Variants in TNFSF14 observed in about 807,000 individuals in gnomAD.
The protein encoded by TNFSF14 is TNF superfamily member 14.
TNFSF14 carries 15 observed loss-of-function variants against 22.7 expected under a neutral mutation model. The observed-to-expected ratio is 0.66, with a 90% CI of 0.44 to 1.02. The LOEUF is 1.02. Among genes scored for constraint, TNFSF14 ranks in the 50% least tolerant of loss-of-function variants. The pLI is 0.00. For missense variants in TNFSF14, 287 were observed against 326.2 expected, an observed-to-expected ratio of 0.88 and a Z score of 0.93; for synonymous variants, 133 against 139.6, an observed-to-expected ratio of 0.95 and a Z score of 0.33.
chr19:6,667,272 A>C (rs1917459258), intron 2 of TNFSF14, 118 bp from the exon 3 acceptor site: 1 of 1,437,742 alleles, frequency 7.0e-7, no homozygotes. Context: ...AGTGACCCAA[A>C]CTTCTGCTTC....
intron 3 of TNFSF14, among the ~76,000 whole-genome samples, 184 bp downstream of exon 3, chr19:6,666,929 T>TAAAA (rs771041221): frequency 6.7e-6 from 1 of 150,094 alleles, no homozygotes; most frequent in Non-Finnish European, 1.5e-5. Flanking sequence ...AATAAATAAA[T>TAAAA]AGAAATAAAA....
rs1299056580 is a variant in TNFSF14, at chr19:6,663,042, C to G, written c.*1884G>C. On this transcript the variant is annotated 3_prime_UTR_variant, in exon 4 of 4. Coordinates refer to ENST00000675206, the MANE Select transcript of TNFSF14 (RefSeq NM_001376887.1). Reference sequence around the variant, plus strand: ...GCCACCACTTGTTGCTGATGGTTGCCCCCCATCCGACTCCTCCCTTTCCCT... The same window carrying G: ...GCCACCACTTGTTGCTGATGGTTGCGCCCCATCCGACTCCTCCCTTTCCCT... 6.6e-6 allele frequency: 1 copy of G among 152,278 alleles called. No homozygotes were observed. Among genetic ancestry groups the G allele is most frequent in the Non-Finnish European group, 1.5e-5 (1 of 68,126 alleles). 9.4% of individuals were successfully genotyped at this position (152,278 alleles called of 1,614,324 possible).
At chr19:6,666,396 CAAAA>C (rs5826941) in intron 3 of TNFSF14, among the ~76,000 whole-genome samples, 1 of 128,146 alleles carries the variant, frequency 7.8e-6, no homozygotes, top group Non-Finnish European at 1.6e-5. Flanking sequence ...GACCCTGTCT[CAAAA>C]AAAAAAAAAA....
In TNFSF14 at chr19:6,664,966, C is replaced by G; in HGVS notation, c.683G>C (p.Arg228Pro). ...RVLDERLVRL[R>P]DGTRSYFGAF... is the part of the protein sequence containing the mutation. Reference sequence around the variant, plus strand: ...CCCGAAGTAAGACCGGGTACCATCACGCAGTCGAACCAGGCGTTCATCCAG... The same window carrying G: ...CCCGAAGTAAGACCGGGTACCATCAGGCAGTCGAACCAGGCGTTCATCCAG... Residue 228 changes from arginine (R) to proline (P), a missense_variant, in exon 4 of 4, where the codon CGT becomes CCT. Coordinates refer to ENST00000675206, the MANE Select transcript of TNFSF14 (RefSeq NM_001376887.1). The surrounding 1 kb of genome is among the most constrained non-coding windows in gnomAD (Gnocchi z 4.7). The G allele has an allele frequency of 6.2e-7, 1 of 1,609,240 alleles. No homozygotes were observed. Among genetic ancestry groups the G allele is most frequent in the Non-Finnish European group, 8.5e-7 (1 of 1,176,330 alleles).
intron 1 of TNFSF14, among the ~76,000 whole-genome samples, chr19:6,669,468 A>G (rs908973634): frequency 6.6e-5 from 10 of 152,124 alleles, no homozygotes; most frequent in Non-Finnish European, 1.0e-4. Context: ...GGGCAACGAG[A>G]GTGAAACTCC....
At chr19:6,667,034 C>G in intron 3 of TNFSF14, 79 bp downstream of exon 3, 1 of 1,508,434 alleles carries the variant, frequency 6.6e-7, no homozygotes. Context: ...AATGAATACA[C>G]TGATATGTAT....
At position 6,663,567 on chromosome 19, in the gene TNFSF14, A is replaced by C. The variant is rs1917312066; in HGVS notation, c.*1359T>G. The C allele has an allele frequency of 6.5e-6, 1 of 152,734 alleles. No individual in the cohort carries two copies. Among genetic ancestry groups the C allele is most frequent in the African/African-American group, 2.4e-5 (1 of 41,440 alleles). 9.5% of individuals were successfully genotyped at this position (152,734 alleles called of 1,614,324 possible). On this transcript the variant is annotated 3_prime_UTR_variant, in exon 4 of 4. Coordinates refer to ENST00000675206, the MANE Select transcript of TNFSF14 (RefSeq NM_001376887.1). ...TCTGTGTCTAATGTAATGAGTATTAATTACCAAGTGTGACGGTGACACCTC... is the reference window on the plus strand; with the variant it reads ...TCTGTGTCTAATGTAATGAGTATTACTTACCAAGTGTGACGGTGACACCTC...
At chr19:6,667,524 T>C in intron 1 of TNFSF14, 75 bp from the exon 2 acceptor site, 1 of 1,513,086 alleles carries the variant, frequency 6.6e-7, no homozygotes, top group South Asian at 1.3e-5. Flanking sequence ...CACATGGCTA[T>C]GAGACATGAG....
chr19:6,670,537 G>T, upstream of TNFSF14: 1 of 161,606 alleles, frequency 6.2e-6, no homozygotes, highest in East Asian at 1.8e-4. Context: ...AAAATAATAC[G>T]TTGTGGGTTT....
chr19:6,670,445 G>T (rs1917575704), upstream of TNFSF14: 2 of 291,978 alleles, frequency 6.8e-6, no homozygotes, highest in South Asian at 8.2e-5. Flanking sequence ...TCGGTGTGGG[G>T]GATGCAGCAA....
chr19:6,663,464 G>A lies in TNFSF14; in HGVS notation c.*1462C>T, dbSNP rs1176274071. The stretch of plus-strand genomic sequence containing the variant: ...TGTGTGTTTGTCATTGTGATGTTGT[G>A]TGTGTGTAATGTGTATTTGTCATGG... On this transcript the variant is annotated 3_prime_UTR_variant, in exon 4 of 4. Transcript: ENST00000675206. 2 of 152,568 alleles carry A rather than the reference G, an allele frequency of 1.3e-5. No individual in the cohort carries two copies. Among genetic ancestry groups the A allele is most frequent in the Admixed American group, 1.3e-4 (2 of 15,272 alleles). 9.5% of individuals were successfully genotyped at this position (152,568 alleles called of 1,614,324 possible).
rs555253143 is a variant in TNFSF14, at chr19:6,664,848, G to T, written c.*78C>A. 33 of 1,497,534 alleles carry T rather than the reference G, an allele frequency of 2.2e-5. No individual in the cohort carries two copies. The highest frequency in any genetic ancestry group is 2.9e-5 in the Non-Finnish European group (33 of 1,119,668). The allele number at this position is 1,497,534 out of a possible 1,614,324, so 92.8% of individuals were successfully genotyped here. A position where few individuals can be genotyped will look rare whatever the true frequency, so the allele number is the denominator to read the frequency against. On this transcript the variant is annotated 3_prime_UTR_variant, in exon 4 of 4. Coordinates refer to ENST00000675206, the MANE Select transcript of TNFSF14 (RefSeq NM_001376887.1). The surrounding 1 kb of genome is among the most constrained non-coding windows in gnomAD (Gnocchi z 4.7). Reference sequence around the variant, plus strand: ...AGCCACCACGCCCAGCCTCTGCTTCGTGAGTTTTCTTTCCCCTGAGGCACC... The same window carrying T: ...AGCCACCACGCCCAGCCTCTGCTTCTTGAGTTTTCTTTCCCCTGAGGCACC...
At chr19:6,669,710 C>A in intron 1 of TNFSF14, 141 bp downstream of exon 1, 1 of 1,328,538 alleles carries the variant, frequency 7.5e-7, no homozygotes, top group East Asian at 2.5e-5. Context: ...CCAGTCAAGC[C>A]AGCTGCTCTC....
upstream of TNFSF14, chr19:6,670,207 A>C: frequency 2.1e-6 from 3 of 1,449,284 alleles, no homozygotes; most frequent in Non-Finnish European, 2.7e-6. Flanking sequence ...GTTCAGCCCC[A>C]CCCCTTCCCC....
intron 3 of TNFSF14, 54 bp downstream of exon 3, chr19:6,667,059 C>G (rs1181194197): frequency 1.5e-5 from 24 of 1,600,664 alleles, no homozygotes; most frequent in Non-Finnish European, 1.9e-5. Context: ...TTTATCTGGT[C>G]TTCCCGAGAC....
At chr19:6,670,204 C>T, upstream of TNFSF14, 1 of 1,456,690 alleles carries the variant, frequency 6.9e-7, no homozygotes. Flanking sequence ...GGGGTTCAGC[C>T]CCACCCCTTC....
Position 6,665,135 on chromosome 19 carries a change from G to C in TNFSF14, c.514C>G (p.Arg172Gly). Residue 172 changes from arginine (R) to glycine (G), a missense_variant, in exon 4 of 4, where the codon CGC becomes GGC. Physicochemically the swap from Arg to Gly is moderately radical, Grantham distance 125 (BLOSUM62 -2). Transcript: ENST00000675206. ...AACAGCTCCAGCTCCTCGGGGTAGC[G>C]GGGTGTGCGCTTGTAGAGGCCGTGG... ...ITHGLYKRTP[R>G]YPEELELLVS... The C allele has an allele frequency of 1.9e-6, 3 of 1,614,026 alleles. No individual in the cohort carries two copies. Among genetic ancestry groups the C allele is most frequent in the Non-Finnish European group, 2.5e-6 (3 of 1,179,952 alleles).
upstream of TNFSF14, chr19:6,670,378 T>C (rs1917572326): frequency 1.2e-6 from 1 of 836,418 alleles, no homozygotes; most frequent in Non-Finnish European, 1.6e-6. Flanking sequence ...GATGCTTCAT[T>C]CGCTTGGGGC....
chr19:6,661,780 C>A lies in TNFSF14; in HGVS notation c.*3146G>T, dbSNP rs1023531496. 6.6e-6 allele frequency: 1 copy of A among 152,216 alleles called. No homozygotes were observed. Among genetic ancestry groups the A allele is most frequent in the African/African-American group, 2.4e-5 (1 of 41,446 alleles). The allele number at this position is 152,216 out of a possible 1,614,324, so 9.4% of individuals were successfully genotyped here. A position where few individuals can be genotyped will look rare whatever the true frequency, so the allele number is the denominator to read the frequency against. On this transcript the variant is annotated 3_prime_UTR_variant, in exon 4 of 4. Coordinates refer to ENST00000675206, the MANE Select transcript of TNFSF14 (RefSeq NM_001376887.1). ...GCCGACATCACCATCCTTCCTGACT[C>A]TGAATTTATATACTACTAACCAGCA... is the stretch of plus-strand genomic sequence containing the variant.
Sources: gnomAD v4.1 joint callset for allele counts (sites outside exome capture counted in the v4.1 genomes callset) on GRCh38, gnomAD v4.1.1 for gene constraint, Gnocchi (gnomAD v3.1) non-coding constraint, MANE v1.5 for transcripts, NCBI Gene and HGNC (gene_info 2026-07-23, HGNC 2026-07-21) for gene names.